The following TNFSF15 variants were observed in gnomAD, a reference collection of about 807,000 sequenced individuals.
The protein encoded by TNFSF15 is TNF superfamily member 15.
In TNFSF15, 15 loss-of-function variants were observed where a neutral mutation model predicts 26.4. That is an observed-to-expected ratio of 0.57 (90% CI 0.38 to 0.87). TNFSF15 has a LOEUF of 0.87. Ranked by LOEUF, TNFSF15 falls within the 40% of genes least tolerant of loss-of-function variation. The pLI, the probability that TNFSF15 is intolerant of heterozygous loss-of-function variation, is 0.00. For missense variants in TNFSF15, 290 were observed against 306.1 expected (o/e 0.95, Z 0.39); for synonymous variants, 116 against 115.0 (o/e 1.01, Z -0.06).
In TNFSF15 at chr9:114,787,528, C is replaced by T. The variant is rs185809671; in HGVS notation, c.*2924G>A. ...TTCAGCCTTTTGAGTGACATTTAAC[C>T]AACAAAGCATTTTCTCCCTAAATTT... is the stretch of plus-strand genomic sequence containing the variant. On this transcript the variant is annotated 3_prime_UTR_variant, in exon 4 of 4. Coordinates refer to ENST00000374045, the MANE Select transcript of TNFSF15 (RefSeq NM_005118.4). The T allele has an allele frequency of 5.0e-4, 76 of 152,250 alleles. No homozygotes were observed. Among genetic ancestry groups the T allele is most frequent in the African/African-American group, 1.7e-3 (72 of 41,536 alleles). 9.4% of individuals were successfully genotyped at this position (152,250 alleles called of 1,614,324 possible).
chr9:114,797,901 T>C (rs1282250981), intron 1 of TNFSF15, among the ~76,000 whole-genome samples: 2 of 152,196 alleles, frequency 1.3e-5, no homozygotes. Flanking sequence ...TGGGGACCTA[T>C]ATTCCTAGTG....
At chr9:114,792,331 A>G (rs1829615573) in intron 3 of TNFSF15, 76 bp downstream of exon 3, 4 of 1,553,936 alleles carry the variant, frequency 2.6e-6, no homozygotes, top group Non-Finnish European at 3.5e-6. Flanking sequence ...CACTAGAATG[A>G]ATTTTGGTAA....
In TNFSF15 at chr9:114,788,963, C is replaced by T. The variant is rs756751678; in HGVS notation, c.*1489G>A. ...CTCCAGGGAAGGTCTTGGCTAGGCT[C>T]ATTAGCTAATCCCATATGTAAATCC... On this transcript the variant is annotated 3_prime_UTR_variant, in exon 4 of 4. Transcript: ENST00000374045. 6.6e-6 allele frequency: 1 copy of T among 152,226 alleles called. No individual in the cohort carries two copies. Among genetic ancestry groups the T allele is most frequent in the Non-Finnish European group, 1.5e-5 (1 of 68,048 alleles). 9.4% of individuals were successfully genotyped at this position (152,226 alleles called of 1,614,324 possible).
At position 114,788,427 on chromosome 9, in the gene TNFSF15, A is replaced by G. The variant is rs1390564723; in HGVS notation, c.*2025T>C. The G allele has an allele frequency of 1.3e-5, 2 of 153,554 alleles. No individual in the cohort carries two copies. Among genetic ancestry groups the G allele is most frequent in the Non-Finnish European group, 2.9e-5 (2 of 68,054 alleles). The allele number at this position is 153,554 out of a possible 1,614,324, so 9.5% of individuals were successfully genotyped here. A position where few individuals can be genotyped will look rare whatever the true frequency, so the allele number is the denominator to read the frequency against. Reference sequence around the variant, plus strand: ...AAAAAGGCCTGGCTTAAGTTAGCCTAGCAGAGGTTAGAAAATATATTTAGA... The same window carrying G: ...AAAAAGGCCTGGCTTAAGTTAGCCTGGCAGAGGTTAGAAAATATATTTAGA... On this transcript the variant is annotated 3_prime_UTR_variant, in exon 4 of 4. Transcript: ENST00000374045.
In TNFSF15 at chr9:114,805,916, C is replaced by G; in HGVS notation, c.97G>C (p.Ala33Pro). ...SCRPKARSSS[A>P]RWALTCCLVL... ...AGGCAGCAGGTGAGAGCCCAGCGTG[C>G]GCTGCTGCTCCTGGCCTTGGGCCTG... is the stretch of plus-strand genomic sequence containing the variant. The change falls in exon 1 of 4, where the codon GCA becomes CCA. Residue 33 changes from alanine to proline, a missense_variant. Around this residue, in one of 3 missense-constraint regions of TNFSF15, gnomAD observed 179 missense variants for 165.9 expected, o/e 1.08. Transcript: ENST00000374045. The G allele has an allele frequency of 1.2e-6, 2 of 1,614,084 alleles. No homozygotes were observed. Among genetic ancestry groups the G allele is most frequent in the Non-Finnish European group, 1.7e-6 (2 of 1,180,022 alleles).
chr9:114,799,707 G>A (rs1369043818), intron 1 of TNFSF15, among the ~76,000 whole-genome samples: 1 of 152,216 alleles, frequency 6.6e-6, no homozygotes, highest in Non-Finnish European at 1.5e-5. Flanking sequence ...GCTCCATTGG[G>A]TGCGGATGCA....
rs55794474 is a variant in TNFSF15, at chr9:114,792,217, ATG to A, written c.301+188_301+189del. 7.0e-4 allele frequency: 437 copies of A among 623,266 alleles called. 1 individual carries two copies. The East Asian group carries it at 7.4e-3, about 11-fold the overall frequency. The allele number at this position is 623,266 out of a possible 1,614,324, so 38.6% of individuals were successfully genotyped here. On this transcript the variant is annotated intron_variant, in intron 3 of 3. Coordinates refer to ENST00000374045, the MANE Select transcript of TNFSF15 (RefSeq NM_005118.4). ...AACGTGTGTGTGTGTGTATATACAT[ATG>A]TGTGTACACACACACACACACACAC...
At chr9:114,801,276 C>T (rs777278286) in intron 1 of TNFSF15, among the ~76,000 whole-genome samples, 2 of 152,120 alleles carry the variant, frequency 1.3e-5, no homozygotes, top group African/African-American at 2.4e-5. Flanking sequence ...CAGAGTAAGG[C>T]CTGTGGACCC....
chr9:114,793,041 T>C (rs1486257529), intron 2 of TNFSF15, among the ~76,000 whole-genome samples: 2 of 152,228 alleles, frequency 1.3e-5, no homozygotes, highest in African/African-American at 4.8e-5. Context: ...CCTTTGGTTC[T>C]CAGAAATATT....
chr9:114,791,115 C>A (rs1387588249), intron 3 of TNFSF15: 64 of 619,712 alleles, frequency 1.0e-4, no homozygotes, highest in Non-Finnish European at 3.7e-5. Flanking sequence ...TGACCTGGGG[C>A]AAATTACTTT....
At chr9:114,797,478 T>A (rs1829686677) in intron 1 of TNFSF15, among the ~76,000 whole-genome samples, 2 of 152,220 alleles carry the variant, frequency 1.3e-5, no homozygotes, top group African/African-American at 4.8e-5. Context: ...AACAACTCTG[T>A]CTATCACAGG....
rs539170138 is a variant in TNFSF15 at position 114,792,599 on chromosome 9, T to C, written c.254-145A>G. The C allele has an allele frequency of 3.2e-5, 48 of 1,516,932 alleles. No homozygotes were observed. In the South Asian group the frequency reaches 5.6e-4, roughly 18 times the overall value. The allele number at this position is 1,516,932 out of a possible 1,614,324, so 94.0% of individuals were successfully genotyped here. A position where few individuals can be genotyped will look rare whatever the true frequency, so the allele number is the denominator to read the frequency against. ...TCCAGTGCCACTCCTTGCAGGATTTTGGATTGGAATGTGGCACCCGCAGCA... is the reference window on the plus strand; with the variant it reads ...TCCAGTGCCACTCCTTGCAGGATTTCGGATTGGAATGTGGCACCCGCAGCA... On this transcript the variant is annotated intron_variant, in intron 2 of 3. Transcript: ENST00000374045.
chr9:114,799,677 G>T (rs1661773078), intron 1 of TNFSF15, among the ~76,000 whole-genome samples: 1 of 152,242 alleles, frequency 6.6e-6, no homozygotes, highest in South Asian at 2.1e-4. Flanking sequence ...CTTGTAGCCA[G>T]TGTGTGGTCT....
At chr9:114,795,822 G>A (rs1829666022) in intron 1 of TNFSF15, among the ~76,000 whole-genome samples, 1 of 152,218 alleles carries the variant, frequency 6.6e-6, no homozygotes, top group African/African-American at 2.4e-5. Context: ...TCATATGTAT[G>A]GATGTCTTGC....
intron 1 of TNFSF15, among the ~76,000 whole-genome samples, chr9:114,799,116 A>G (rs1829707734): frequency 6.6e-6 from 1 of 152,164 alleles, no homozygotes; most frequent in African/African-American, 2.4e-5. Context: ...GGTGCCCTGG[A>G]TAGGGCTTTA....
At chr9:114,802,869 G>C (rs1217723404) in intron 1 of TNFSF15, among the ~76,000 whole-genome samples, 1 of 152,188 alleles carries the variant, frequency 6.6e-6, no homozygotes, top group African/African-American at 2.4e-5. Flanking sequence ...AGGGAAGGAG[G>C]CCAGATGGTC....
At chr9:114,791,957 G>A (rs1042767614) in intron 3 of TNFSF15, 2 of 170,466 alleles carry the variant, frequency 1.2e-5, no homozygotes. Flanking sequence ...AGCCATTTCT[G>A]AATGACTCAG....
chr9:114,792,408 T>G lies in TNFSF15; in HGVS notation c.300A>C (p.Thr100=), dbSNP rs754690759. 1 of 1,614,018 alleles carries G rather than the reference T, an allele frequency of 6.2e-7. No homozygotes were observed. The highest frequency in any genetic ancestry group is 8.5e-7 in the Non-Finnish European group (1 of 1,179,916). ...GTAAAACACAGCAGGGAGGCTTACC[T>G]GTCAGGTGTGCCCTTGGCTTATCTC... ...ADGDKPRAHL[T]VVRQTPTQHF... Residue 100 remains threonine (T), a splice_region_variant and synonymous_variant, in exon 3 of 4, where the codon ACA becomes ACC. Coordinates refer to ENST00000374045, the MANE Select transcript of TNFSF15 (RefSeq NM_005118.4).
At chr9:114,791,544 C>T (rs1309090772) in intron 3 of TNFSF15, 1 of 169,526 alleles carries the variant, frequency 5.9e-6, no homozygotes, top group African/African-American at 2.4e-5. Context: ...AGGATATCCC[C>T]CTGCAGACTG....
Sources: allele counts gnomAD v4.1 joint callset (sites outside exome capture counted in the v4.1 genomes callset), GRCh38; gene constraint gnomAD v4.1.1; regional missense constraint gnomAD v4.1.1; transcripts MANE v1.5; gene names NCBI Gene and HGNC (gene_info 2026-07-23, HGNC 2026-07-21).